The following PRKG1 variants were observed in gnomAD, a reference collection of about 807,000 sequenced individuals.
PRKG1 encodes the protein cGMP-dependent protein kinase 1.
Under a neutral mutation model 88.1 loss-of-function variants are expected in PRKG1, and 35 were observed. The observed-to-expected ratio is 0.40, with a 90% CI of 0.30 to 0.53. The LOEUF (loss-of-function observed/expected upper bound fraction) is 0.53. Ranked by LOEUF, PRKG1 falls within the 20% of genes least tolerant of loss-of-function variation. PRKG1 has a pLI of 0.59. For synonymous variants in PRKG1, 303 were observed against 292.5 expected (o/e 1.04, Z -0.37); for missense variants, 540 against 839.8 (o/e 0.64, Z 4.41).
intron 9 of PRKG1, among the ~76,000 whole-genome samples, chr10:52,167,310 CTTA>C (rs1838508462): frequency 6.6e-6 from 1 of 152,034 alleles, no homozygotes; most frequent in Non-Finnish European, 1.5e-5. Flanking sequence ...GGAGAACTCA[CTTA>C]TTATCATGGG....
chr10:51,746,555 C>CTA (rs1837584214), intron 3 of PRKG1, among the ~76,000 whole-genome samples: 1 of 151,850 alleles, frequency 6.6e-6, no homozygotes. Context: ...AACCCTGTCT[C>CTA]TACTAAAAAT....
intron 2 of PRKG1, among the ~76,000 whole-genome samples, chr10:51,403,723 T>C (rs1403929256): frequency 6.6e-6 from 1 of 152,146 alleles, no homozygotes; most frequent in Non-Finnish European, 1.5e-5. Context: ...TTAAATAGAA[T>C]ACTTGGCAAA....
At chr10:51,782,661 T>A (rs148356164) in intron 3 of PRKG1, among the ~76,000 whole-genome samples, 17 of 152,194 alleles carry the variant, frequency 1.1e-4, no homozygotes, top group Non-Finnish European at 1.6e-4. Context: ...TGGGGGTGGT[T>A]TCCCTCATAC....
intron 3 of PRKG1, among the ~76,000 whole-genome samples, chr10:51,641,241 G>A (rs1303724780): frequency 3.3e-5 from 5 of 152,076 alleles, no homozygotes; most frequent in East Asian, 1.9e-4. Flanking sequence ...ATTTAGTGCC[G>A]CTCTCAAGAG....
At chr10:51,272,879 T>C (rs1337521879) in intron 2 of PRKG1, among the ~76,000 whole-genome samples, 2 of 152,192 alleles carry the variant, frequency 1.3e-5, no homozygotes, top group Non-Finnish European at 2.9e-5. Context: ...GGCTTTGCTC[T>C]GAGCCCAACT....
At chr10:52,157,422 G>A (rs10740430) in intron 8 of PRKG1, among the ~76,000 whole-genome samples, 103,738 of 148,174 alleles carry the variant, frequency 0.7, 37,850 homozygotes, top group South Asian at 0.83. Flanking sequence ...GATCTCTGAT[G>A]TTTGGACTGC....
intron 2 of PRKG1, among the ~76,000 whole-genome samples, chr10:51,192,118 C>T (rs1837646299): frequency 6.6e-6 from 1 of 151,324 alleles, no homozygotes; most frequent in Non-Finnish European, 1.5e-5. Context: ...TAAATACTAT[C>T]CCTCAAGCTA....
chr10:51,035,825 A>G lies in PRKG1; in HGVS notation c.266+44181A>G, dbSNP rs183960278. Among the ~76,000 whole-genome samples the G allele has an allele frequency of 3.2e-4, 49 of 152,322 alleles. 1 individual carries two copies. In the East Asian group the frequency reaches 6.9e-3, roughly 22 times the overall value. The stretch of plus-strand genomic sequence containing the variant: ...ATAACCCTATTATCTAGCAATAACC[A>G]TTAACATTCTCTTATATGTCTTTCT... On this transcript the variant is annotated intron_variant, in intron 1 of 17. Transcript: ENST00000401604.
At chr10:51,817,509 C>T (rs999327917) in intron 4 of PRKG1, among the ~76,000 whole-genome samples, 10 of 152,116 alleles carry the variant, frequency 6.6e-5, no homozygotes, top group Non-Finnish European at 1.3e-4. Context: ...TCATCCATGT[C>T]CCTGCATAGG....
chr10:51,280,598 G>T (rs182032182), intron 2 of PRKG1, among the ~76,000 whole-genome samples: 1 of 150,792 alleles, frequency 6.6e-6, no homozygotes, highest in Non-Finnish European at 1.5e-5. Context: ...TAAACTTCTC[G>T]CTTCATTTCA....
intron 3 of PRKG1, chr10:51,698,836 CTGAGGA>C (rs1296808770): frequency 5.6e-6 from 9 of 1,614,026 alleles, no homozygotes; most frequent in Non-Finnish European, 7.6e-6. Flanking sequence ...AATGCTGAGG[CTGAGGA>C]GCTGGAGGAT....
chr10:52,046,097 A>G (rs1845856287), intron 5 of PRKG1, among the ~76,000 whole-genome samples: 1 of 152,128 alleles, frequency 6.6e-6, no homozygotes, highest in Non-Finnish European at 1.5e-5. Flanking sequence ...GTTGGAAGTG[A>G]ACTTTACTAT....
chr10:51,429,940 G>A (rs1380251901), intron 2 of PRKG1, among the ~76,000 whole-genome samples: 1 of 151,628 alleles, frequency 6.6e-6, no homozygotes, highest in Admixed American at 6.6e-5. Flanking sequence ...AAGAAAAGGG[G>A]TAAGAAAAAA....
chr10:51,877,048 A>G (rs909940961), intron 4 of PRKG1, among the ~76,000 whole-genome samples: 4 of 152,124 alleles, frequency 2.6e-5, no homozygotes, highest in African/African-American at 9.7e-5. Flanking sequence ...AACCCCACAT[A>G]AAACAAAACA....
At chr10:51,934,853 A>G (rs1170101321) in intron 5 of PRKG1, among the ~76,000 whole-genome samples, 1 of 152,178 alleles carries the variant, frequency 6.6e-6, no homozygotes, top group Non-Finnish European at 1.5e-5. Context: ...AATTGAGCAA[A>G]AAGTTCAACC....
chr10:51,536,216 C>T (rs1298037726), intron 3 of PRKG1, among the ~76,000 whole-genome samples: 1 of 152,144 alleles, frequency 6.6e-6, no homozygotes, highest in Non-Finnish European at 1.5e-5. Flanking sequence ...CATCAGCTAA[C>T]AGCAGTGCTG....
At chr10:52,148,946 G>A (rs1389227146) in intron 8 of PRKG1, among the ~76,000 whole-genome samples, 1 of 137,980 alleles carries the variant, frequency 7.2e-6, no homozygotes, top group African/African-American at 2.9e-5. Context: ...TGACCACAGA[G>A]GATAGTTTTG....
chr10:51,767,851 T>C (rs1297238237), intron 3 of PRKG1, among the ~76,000 whole-genome samples: 2 of 152,048 alleles, frequency 1.3e-5, no homozygotes, highest in African/African-American at 4.8e-5. Context: ...TTTGAAGACA[T>C]TATAAACCCT....
chr10:51,456,683 C>T (rs293278), intron 2 of PRKG1, among the ~76,000 whole-genome samples: 1 of 151,950 alleles, frequency 6.6e-6, no homozygotes, highest in Non-Finnish European at 1.5e-5. Flanking sequence ...ATATTCACAA[C>T]CTATGCTTCT....
Sources: gnomAD v4.1 joint callset for allele counts (sites outside exome capture counted in the v4.1 genomes callset) on GRCh38, gnomAD v4.1.1 for gene constraint, MANE v1.5 for transcripts, NCBI Gene and HGNC (gene_info 2026-07-23, HGNC 2026-07-21) for gene names.